RBFOX3: variants seen among roughly 807,000 people sequenced by gnomAD.
RBFOX3 encodes the protein RNA binding fox-1 homolog 3, also known as RNA binding protein fox-1 homolog 3.
A neutral mutation model predicts 48.7 loss-of-function variants in RBFOX3; 17 were observed. That is an observed-to-expected ratio of 0.35 (90% CI 0.24 to 0.52). RBFOX3 has a LOEUF of 0.52. Ranked by LOEUF, RBFOX3 falls within the 20% of genes least tolerant of loss-of-function variation. RBFOX3 has a pLI of 0.94. For missense variants in RBFOX3, 382 were observed against 497.5 expected (o/e 0.77, Z 2.21); for synonymous variants, 212 against 209.5 (o/e 1.01, Z -0.10).
intron 5 of RBFOX3, among the ~76,000 whole-genome samples, chr17:79,113,967 G>C (rs1297036054): frequency 6.6e-6 from 1 of 152,156 alleles, no homozygotes; most frequent in Non-Finnish European, 1.5e-5. Context: ...TAGAGTGCTA[G>C]GTCCGTCCCC....
At chr17:79,284,543 C>CTTTTTTTTTTT (rs55731401) in intron 3 of RBFOX3, among the ~76,000 whole-genome samples, 10 of 135,774 alleles carry the variant, frequency 7.4e-5, no homozygotes, top group African/African-American at 2.5e-4. Flanking sequence ...AAGAGACTCG[C>CTTTTTTTTTTT]TTTTTTTTTT....
the RBFOX3 span, among the ~76,000 whole-genome samples, chr17:79,638,197 A>G: frequency 6.6e-6 from 1 of 152,036 alleles, no homozygotes; most frequent in African/African-American, 2.4e-5. Flanking sequence ...GAAAAAGAGA[A>G]AACTGAGCTC....
rs1485441515 is a variant in RBFOX3 at position 79,195,446 on chromosome 17, TG to T, written c.-34+40319del. On this transcript the variant is annotated intron_variant, in intron 4 of 14. Transcript: ENST00000693108. The surrounding 1 kb of genome is among the most constrained non-coding windows in gnomAD (Gnocchi z 5.3). ...AAGAAATGCAAAATGCAAAGCCAAC[TG>T]GGTCTCTTCTTAGAGTAAGGCCGCA... is the stretch of plus-strand genomic sequence containing the variant. Among the ~76,000 whole-genome samples, 1 of 150,920 alleles carries T rather than the reference TG, an allele frequency of 6.6e-6. No individual in the cohort carries two copies. Among genetic ancestry groups the T allele is most frequent in the African/African-American group, 2.4e-5 (1 of 41,134 alleles).
At chr17:79,523,840 C>A (rs2086448847) in intron 1 of RBFOX3, among the ~76,000 whole-genome samples, 1 of 152,230 alleles carries the variant, frequency 6.6e-6, no homozygotes, top group Admixed American at 6.5e-5. Flanking sequence ...TCCTTGATTT[C>A]AGAAGGTAGA....
At chr17:79,115,198 G>A (rs769081396) in intron 5 of RBFOX3, among the ~76,000 whole-genome samples, 2 of 152,234 alleles carry the variant, frequency 1.3e-5, no homozygotes, top group African/African-American at 2.4e-5. Context: ...GCCAGGCCCA[G>A]GCGGCTGGAG....
chr17:79,233,463 A>G (rs1600142472), intron 4 of RBFOX3, among the ~76,000 whole-genome samples: 1 of 152,146 alleles, frequency 6.6e-6, no homozygotes, highest in Non-Finnish European at 1.5e-5. Flanking sequence ...ATACATATAT[A>G]TCAAAGCTTA....
rs1555788572 is a variant in RBFOX3 at position 79,535,756 on chromosome 17, G to A, written c.-319-53158C>T. On this transcript the variant is annotated intron_variant, in intron 1 of 14. Transcript: ENST00000693108. The surrounding 1 kb of genome is among the most constrained non-coding windows in gnomAD (Gnocchi z 4.5). ...CTGCACCCAGGAAGCCTGCAGCACT[G>A]AGCCGTCTGCATTTGCTAGGGCCAC... 6.6e-6 allele frequency among the ~76,000 whole-genome samples: 1 copy of A among 152,160 alleles called. No individual in the cohort carries two copies. Among genetic ancestry groups the A allele is most frequent in the Non-Finnish European group, 1.5e-5 (1 of 68,026 alleles).
intron 1 of RBFOX3, among the ~76,000 whole-genome samples, chr17:79,583,289 C>G (rs1218456600): frequency 6.6e-6 from 1 of 152,210 alleles, no homozygotes; most frequent in East Asian, 1.9e-4. Context: ...GTGAAAGGCC[C>G]TGACACTTTC....
At chr17:79,432,091 T>C (rs537892640) in intron 2 of RBFOX3, among the ~76,000 whole-genome samples, 3 of 152,388 alleles carry the variant, frequency 2.0e-5, no homozygotes, top group East Asian at 1.9e-4. Context: ...CATCACGTTT[T>C]CTGGCTTCAT....
Position 79,391,556 on chromosome 17 carries a change from C to A in RBFOX3, c.-174-83732G>T, listed in dbSNP as rs1417975101. 6.6e-6 allele frequency among the ~76,000 whole-genome samples: 1 copy of A among 152,242 alleles called. No individual in the cohort carries two copies. The highest frequency in any genetic ancestry group is 1.5e-5 in the Non-Finnish European group (1 of 68,054). ...CGATTTTAATCTCACCCGAAACCAA[C>A]CTCACAGGTGCTGATTCACTTTTAG... On this transcript the variant is annotated intron_variant, in intron 2 of 14. Transcript: ENST00000693108. This position sits in a 1 kb window ranked among gnomAD's most constrained non-coding sequence, Gnocchi z 5.0.
At chr17:79,487,977 C>T (rs1352605348) in intron 1 of RBFOX3, among the ~76,000 whole-genome samples, 1 of 148,256 alleles carries the variant, frequency 6.7e-6, no homozygotes, top group Non-Finnish European at 1.5e-5. Context: ...GAAGTTGTCA[C>T]TGATTTGCAT....
chr17:79,321,930 TCCTGACCTCAGGTGATCCACCCGC>T (rs1763321972), intron 2 of RBFOX3, among the ~76,000 whole-genome samples: 1 of 152,124 alleles, frequency 6.6e-6, no homozygotes, highest in East Asian at 1.9e-4. Context: ...GGTCTTGAAC[TCCTGACCTCAGGTGATCCACCCGC>T]CTTGGCCTCC....
At chr17:79,609,052 C>A (rs1292612196) in intron 1 of RBFOX3, among the ~76,000 whole-genome samples, 1 of 152,152 alleles carries the variant, frequency 6.6e-6, no homozygotes, top group Non-Finnish European at 1.5e-5. Context: ...CCCTCTCTCC[C>A]CTCACAATTT....
intron 3 of RBFOX3, among the ~76,000 whole-genome samples, chr17:79,296,046 T>C (rs1600480155): frequency 1.3e-5 from 2 of 150,712 alleles, no homozygotes; most frequent in Admixed American, 6.6e-5. Flanking sequence ...GGGGGAGGGG[T>C]GTCAAGAAGG....
the RBFOX3 span, among the ~76,000 whole-genome samples, chr17:79,631,511 C>T: frequency 6.6e-6 from 1 of 152,200 alleles, no homozygotes; most frequent in Non-Finnish European, 1.5e-5. Flanking sequence ...AAGACATCCA[C>T]CTTCAGCGTC....
chr17:79,603,321 C>T (rs2093751703), intron 1 of RBFOX3, among the ~76,000 whole-genome samples: 1 of 152,194 alleles, frequency 6.6e-6, no homozygotes, highest in Non-Finnish European at 1.5e-5. Context: ...ACCCCGCTGG[C>T]AGTGGAGGCA....
intron 2 of RBFOX3, among the ~76,000 whole-genome samples, chr17:79,325,681 C>T (rs1281433944): frequency 6.6e-6 from 1 of 152,190 alleles, no homozygotes. Context: ...AATGTAAGTA[C>T]AGCTGCAGTG....
At chr17:79,398,271 C>T (rs948214603) in intron 2 of RBFOX3, among the ~76,000 whole-genome samples, 1 of 152,154 alleles carries the variant, frequency 6.6e-6, no homozygotes, top group Non-Finnish European at 1.5e-5. Context: ...ATGGGAGCGT[C>T]CAGCCCTGAG....
chr17:79,377,478 A>G (rs114661306), intron 2 of RBFOX3, among the ~76,000 whole-genome samples: 3,501 of 152,230 alleles, frequency 0.023, 127 homozygotes, highest in African/African-American at 0.08. Flanking sequence ...CACACACACC[A>G]TGCTCAGCGA....
Sources: allele counts gnomAD v4.1 joint callset (sites outside exome capture counted in the v4.1 genomes callset), GRCh38; gene constraint gnomAD v4.1.1; non-coding constraint Gnocchi (gnomAD v3.1); transcripts MANE v1.5; gene names NCBI Gene and HGNC (gene_info 2026-07-23, HGNC 2026-07-21).